The following GAD2 variants were observed in gnomAD, a reference collection of about 807,000 sequenced individuals.
GAD2 encodes the protein glutamate decarboxylase 2.
Under a neutral mutation model 80.1 loss-of-function variants are expected in GAD2, and 22 were observed. That is an observed-to-expected ratio of 0.27 (90% confidence interval 0.20 to 0.39). The LOEUF is 0.39. Among genes scored for constraint, GAD2 ranks in the 10% least tolerant of loss-of-function variants. The pLI, the probability that GAD2 is intolerant of heterozygous loss-of-function variation, is 1.00. For missense variants in GAD2, 624 were observed against 738.4 expected (o/e 0.85, Z 1.80); for synonymous variants, 274 against 256.9 (o/e 1.07, Z -0.64).
Position 26,217,706 on chromosome 10 carries a change from C to G in GAD2, c.136+37C>G. 1.2e-6 allele frequency: 2 copies of G among 1,607,796 alleles called. No individual in the cohort carries two copies. The highest frequency in any genetic ancestry group is 2.2e-5 in the South Asian group (2 of 90,130). On this transcript the variant is annotated intron_variant, in intron 2 of 15. Coordinates refer to ENST00000376261, the MANE Select transcript of GAD2 (RefSeq NM_001134366.2). This position sits in a 1 kb window ranked among gnomAD's most constrained non-coding sequence, Gnocchi z 4.9. ...GGGACCGGGGCGGCCAAGGTCGGCCCGCGGGGTCCAAGCAGTCTTCTCACC... is the reference window on the plus strand; with the variant it reads ...GGGACCGGGGCGGCCAAGGTCGGCCGGCGGGGTCCAAGCAGTCTTCTCACC...
chr10:26,248,868 A>G (rs1252257840), intron 8 of GAD2, among the ~76,000 whole-genome samples: 2 of 152,188 alleles, frequency 1.3e-5, no homozygotes, highest in Non-Finnish European at 2.9e-5. Flanking sequence ...TTAGAATTTA[A>G]GCTGGATAGG....
rs949931986 is a variant in GAD2 at position 26,303,191 on chromosome 10, A to C, written c.*2230A>C. On this transcript the variant is annotated 3_prime_UTR_variant, in exon 16 of 16. Transcript: ENST00000376261. The stretch of plus-strand genomic sequence containing the variant: ...GGTTAATGAGATGGTAAAATTTTAA[A>C]GGACAATTTGTGCCTATATATGAAA... 1.3e-5 allele frequency: 2 copies of C among 152,178 alleles called. No homozygotes were observed. Among genetic ancestry groups the C allele is most frequent in the Non-Finnish European group, 2.9e-5 (2 of 68,026 alleles). 9.4% of individuals were successfully genotyped at this position (152,178 alleles called of 1,614,324 possible).
chr10:26,295,084 T>A (rs1029470644), intron 15 of GAD2, among the ~76,000 whole-genome samples: 4 of 151,784 alleles, frequency 2.6e-5, no homozygotes, highest in African/African-American at 9.7e-5. Flanking sequence ...AATAAAAACT[T>A]TTTTTTTTCA....
chr10:26,228,527 G>A (rs1844557607), intron 6 of GAD2, among the ~76,000 whole-genome samples: 2 of 152,104 alleles, frequency 1.3e-5, no homozygotes, highest in South Asian at 4.2e-4. Context: ...TTTATAACAG[G>A]GGTCCCCAAC....
chr10:26,276,443 G>A (rs988828935), intron 11 of GAD2, among the ~76,000 whole-genome samples: 4 of 137,840 alleles, frequency 2.9e-5, no homozygotes, highest in African/African-American at 9.6e-5. Context: ...GTGTGGCAGC[G>A]CAATCTTGCC....
At chr10:26,220,786 TGAAA>T (rs1478254938) in intron 4 of GAD2, among the ~76,000 whole-genome samples, 1 of 152,212 alleles carries the variant, frequency 6.6e-6, no homozygotes, top group Non-Finnish European at 1.5e-5. Flanking sequence ...TCTTCATCCT[TGAAA>T]GCTAGTGGTG....
intron 4 of GAD2, among the ~76,000 whole-genome samples, chr10:26,223,435 G>A (rs8190611): frequency 0.025 from 3,742 of 152,156 alleles, 162 homozygotes; most frequent in African/African-American, 0.082. Context: ...TGGTATGACC[G>A]ATTCTCAGAA....
chr10:26,291,805 G>A (rs1311918264), intron 13 of GAD2, among the ~76,000 whole-genome samples: 1 of 152,170 alleles, frequency 6.6e-6, no homozygotes, highest in African/African-American at 2.4e-5. Context: ...GTTTTCCCAA[G>A]TCTGGATTCA....
intron 8 of GAD2, among the ~76,000 whole-genome samples, chr10:26,262,023 G>A (rs896704175): frequency 6.6e-6 from 1 of 151,996 alleles, no homozygotes; most frequent in African/African-American, 2.4e-5. Context: ...TTATATTTAG[G>A]ATTATTATAG....
intron 3 of GAD2, 31 bp from the exon 4 acceptor site, chr10:26,219,012 T>G (rs370046837): frequency 2.0e-6 from 3 of 1,473,758 alleles, no homozygotes; most frequent in South Asian, 1.4e-5. Context: ...AAAGTAAAAT[T>G]AAAATGTGGC....
At chr10:26,295,780 G>A (rs1271251945) in intron 15 of GAD2, among the ~76,000 whole-genome samples, 2 of 152,110 alleles carry the variant, frequency 1.3e-5, no homozygotes, top group African/African-American at 4.8e-5. Context: ...AGTTCTGTTG[G>A]TCCAGGCCGA....
intron 14 of GAD2, 85 bp downstream of exon 14, chr10:26,292,657 A>G (rs925982692): frequency 9.2e-7 from 1 of 1,091,576 alleles, no homozygotes; most frequent in Non-Finnish European, 1.4e-6. Flanking sequence ...TGTGCTGTCC[A>G]GGTAAGTGGG....
At chr10:26,256,043 A>G (rs1344539232) in intron 8 of GAD2, among the ~76,000 whole-genome samples, 2 of 152,116 alleles carry the variant, frequency 1.3e-5, no homozygotes, top group African/African-American at 4.8e-5. Context: ...TTTTTTTTAC[A>G]TTGTATTATT....
chr10:26,299,635 A>C (rs1834309029), intron 15 of GAD2, among the ~76,000 whole-genome samples: 1 of 152,230 alleles, frequency 6.6e-6, no homozygotes, highest in African/African-American at 2.4e-5. Flanking sequence ...CAACAAAAAC[A>C]GTAGAAGACA....
In GAD2 at chr10:26,293,648, A is replaced by G. The variant is rs139588365; in HGVS notation, c.1584+657A>G. Among the ~76,000 whole-genome samples the G allele has an allele frequency of 3.3e-5, 5 of 152,322 alleles. No individual in the cohort carries two copies. The East Asian group carries it at 9.7e-4, about 29-fold the overall frequency. On this transcript the variant is annotated intron_variant, in intron 15 of 15. Transcript: ENST00000376261. ...TGGTGCTCAGTTACAAGCACAAAAG[A>G]GACTTTAGGTACCAGAAATGGTTAG...
In GAD2 at chr10:26,303,822, A is replaced by C. The variant is rs1438563037; in HGVS notation, c.*2861A>C. 2.0e-5 allele frequency: 3 copies of C among 152,168 alleles called. No individual in the cohort carries two copies. The highest frequency in any genetic ancestry group is 2.9e-5 in the Non-Finnish European group (2 of 68,044). 9.4% of individuals were successfully genotyped at this position (152,168 alleles called of 1,614,324 possible). A position where few individuals can be genotyped will look rare whatever the true frequency, so the allele number is the denominator to read the frequency against. On this transcript the variant is annotated 3_prime_UTR_variant, in exon 16 of 16. Coordinates refer to ENST00000376261, the MANE Select transcript of GAD2 (RefSeq NM_001134366.2). ...CTGGATAATACTGTCTTGTCACCTC[A>C]GATTGGGGTTGTGCACTTTAGATCT... is the stretch of plus-strand genomic sequence containing the variant.
At chr10:26,220,061 G>T (rs529096094) in intron 4 of GAD2, among the ~76,000 whole-genome samples, 1 of 152,116 alleles carries the variant, frequency 6.6e-6, no homozygotes, top group East Asian at 1.9e-4. Flanking sequence ...TTATTTGGGT[G>T]CATTCCGAGC....
At chr10:26,247,087 G>A (rs1357877212) in intron 8 of GAD2, among the ~76,000 whole-genome samples, 1 of 152,206 alleles carries the variant, frequency 6.6e-6, no homozygotes, top group Non-Finnish European at 1.5e-5. Flanking sequence ...GGAAACTAAA[G>A]GAATAAAAGA....
At chr10:26,234,934 G>A (rs544789883) in intron 7 of GAD2, among the ~76,000 whole-genome samples, 8 of 151,908 alleles carry the variant, frequency 5.3e-5, no homozygotes, top group South Asian at 2.1e-4. Flanking sequence ...GTGCAGTGGC[G>A]CCATCTCAGC....
Sources: allele counts gnomAD v4.1 joint callset (sites outside exome capture counted in the v4.1 genomes callset), GRCh38; gene constraint gnomAD v4.1.1; non-coding constraint Gnocchi (gnomAD v3.1); transcripts MANE v1.5; gene names NCBI Gene and HGNC (gene_info 2026-07-23, HGNC 2026-07-21).